Variants in PRRG4 observed in about 807,000 individuals in gnomAD.
PRRG4 encodes transmembrane gamma-carboxyglutamic acid protein 4.
Under a neutral mutation model 20.0 loss-of-function variants are expected in PRRG4, and 12 were observed. That is an observed-to-expected ratio of 0.60 (90% CI 0.38 to 0.97). The LOEUF is 0.97. Among genes scored for constraint, PRRG4 ranks in the 50% least tolerant of loss-of-function variants. The probability of loss-of-function intolerance (pLI) is 0.00; values close to 1 mark genes in which losing one functional copy is unlikely to be tolerated. For missense variants in PRRG4, 199 were observed against 265.1 expected, an observed-to-expected ratio of 0.75 and a Z score of 1.73; for synonymous variants, 94 against 96.4, an observed-to-expected ratio of 0.98 and a Z score of 0.15.
At chr11:32,845,123 AT>A (rs1851116210) in intron 5 of PRRG4, among the ~76,000 whole-genome samples, 2 of 152,212 alleles carry the variant, frequency 1.3e-5, no homozygotes, top group Admixed American at 6.5e-5. Flanking sequence ...AATAAAAAAA[AT>A]CTCCCTTAGC....
At chr11:32,852,714 T>C (rs879558300) in intron 5 of PRRG4, among the ~76,000 whole-genome samples, 2 of 151,476 alleles carry the variant, frequency 1.3e-5, no homozygotes, top group African/African-American at 2.4e-5. Flanking sequence ...GAGGAGAAAA[T>C]TGAGGTCGGT....
intron 3 of PRRG4, 66 bp from the exon 4 acceptor site, chr11:32,838,816 T>C: frequency 8.2e-7 from 1 of 1,224,840 alleles, no homozygotes; most frequent in South Asian, 1.2e-5. Flanking sequence ...GTCTAGGTCA[T>C]TAGGACCAAA....
intron 2 of PRRG4, among the ~76,000 whole-genome samples, chr11:32,831,867 AAAAATTAGCCTGGCTTGGT>A (rs1353858686): frequency 6.6e-6 from 1 of 152,114 alleles, no homozygotes; most frequent in African/African-American, 2.4e-5. Context: ...CTAAATATAC[AAAAATTAGCCTGGCTTGGT>A]GGCACGTGCC....
At chr11:32,834,696 C>T (rs1851003951) in intron 2 of PRRG4, among the ~76,000 whole-genome samples, 1 of 151,184 alleles carries the variant, frequency 6.6e-6, no homozygotes, top group South Asian at 2.1e-4. Context: ...AAAATATAAG[C>T]AATATAAAAC....
Position 32,853,822 on chromosome 11 carries a change from C to A in PRRG4, c.*295C>A. ...CAGCCTGGGCGACAGAGCAAGACTC[C>A]ATCTCAAAAATAAAATAAAAAAAGA... is the stretch of plus-strand genomic sequence containing the variant. On this transcript the variant is annotated 3_prime_UTR_variant, in exon 6 of 6. Transcript: ENST00000257836. 1 of 195,134 alleles carries A rather than the reference C, an allele frequency of 5.1e-6. No individual in the cohort carries two copies. The highest frequency in any genetic ancestry group is 1.0e-5 in the Non-Finnish European group (1 of 96,750). The allele number at this position is 195,134 out of a possible 1,614,324, so 12.1% of individuals were successfully genotyped here.
At chr11:32,830,844 A>C (rs962492366) in intron 2 of PRRG4, among the ~76,000 whole-genome samples, 1 of 152,214 alleles carries the variant, frequency 6.6e-6, no homozygotes, top group Non-Finnish European at 1.5e-5. Context: ...TTTAATAAGT[A>C]TATACGTAAG....
intron 4 of PRRG4, among the ~76,000 whole-genome samples, chr11:32,839,140 G>C (rs1259608561): frequency 1.3e-5 from 2 of 152,164 alleles, no homozygotes; most frequent in Non-Finnish European, 2.9e-5. Context: ...TGAGATACTA[G>C]GAAAATGAGA....
chr11:32,847,921 C>T (rs1469094875), intron 5 of PRRG4, among the ~76,000 whole-genome samples: 1 of 152,110 alleles, frequency 6.6e-6, no homozygotes, highest in East Asian at 1.9e-4. Flanking sequence ...ATATGTAATG[C>T]CTAGGATAGG....
In PRRG4 at chr11:32,853,903, G is replaced by GAGGAGA. The variant is rs1277026128; in HGVS notation, c.*385_*390dup. 19 of 184,146 alleles carry GAGGAGA rather than the reference G, an allele frequency of 1.0e-4. No individual in the cohort carries two copies. The highest frequency in any genetic ancestry group is 9.2e-4 in the Admixed American group (17 of 18,546). The allele number at this position is 184,146 out of a possible 1,614,324, so 11.4% of individuals were successfully genotyped here. On this transcript the variant is annotated 3_prime_UTR_variant, in exon 6 of 6. Coordinates refer to ENST00000257836, the MANE Select transcript of PRRG4 (RefSeq NM_024081.6). Reference sequence around the variant, plus strand: ...GGAGAAGGAGATGAAGGAGGAGGAGGAGGAGAAGGAGAAGAAGAAGAAGAA... The same window carrying GAGGAGA: ...GGAGAAGGAGATGAAGGAGGAGGAGGAGGAGAAGGAGAAGGAGAAGAAGAAGAAGAA...
Position 32,854,973 on chromosome 11 carries a change from A to G in PRRG4, c.*1446A>G, listed in dbSNP as rs1851218064. ...CTGTTACTGATTAGTAAATACTCCC[A>G]TCTTCGTTGCAAAATTATCTCTCTG... On this transcript the variant is annotated 3_prime_UTR_variant, in exon 6 of 6. Coordinates refer to ENST00000257836, the MANE Select transcript of PRRG4 (RefSeq NM_024081.6). 1 of 152,224 alleles carries G rather than the reference A, an allele frequency of 6.6e-6. No individual in the cohort carries two copies. The highest frequency in any genetic ancestry group is 1.5e-5 in the Non-Finnish European group (1 of 68,032). The allele number at this position is 152,224 out of a possible 1,614,324, so 9.4% of individuals were successfully genotyped here.
chr11:32,850,804 T>C (rs947928492), intron 5 of PRRG4, among the ~76,000 whole-genome samples: 9 of 152,208 alleles, frequency 5.9e-5, no homozygotes, highest in African/African-American at 2.2e-4. Flanking sequence ...CAGCGGTGGC[T>C]CACGCCTGTA....
At chr11:32,847,005 AAAT>A (rs1307887285) in intron 5 of PRRG4, among the ~76,000 whole-genome samples, 2 of 151,272 alleles carry the variant, frequency 1.3e-5, no homozygotes, top group Admixed American at 6.6e-5. Context: ...TCAAAAAAAA[AAAT>A]AAAGAAAGAA....
At position 32,844,764 on chromosome 11, in the gene PRRG4, G is replaced by T. The variant is rs528596879; in HGVS notation, c.449+4525G>T. Among the ~76,000 whole-genome samples, 5 of 152,192 alleles carry T rather than the reference G, an allele frequency of 3.3e-5. No homozygotes were observed. In the South Asian group the frequency reaches 1.0e-3, roughly 32 times the overall value. On this transcript the variant is annotated intron_variant, in intron 5 of 5. Transcript: ENST00000257836. Reference sequence around the variant, plus strand: ...AATCCTCGTGCCTTGGCCTCCCAAAGTGCTGGGATTACAGGCATGAGCCAC... The same window carrying T: ...AATCCTCGTGCCTTGGCCTCCCAAATTGCTGGGATTACAGGCATGAGCCAC...
Position 32,853,476 on chromosome 11 carries a change from C to T in PRRG4, c.630C>T (p.His210=). The change falls in exon 6 of 6, where the codon CAC becomes CAT. Residue 210 remains histidine (H), a synonymous_variant. Coordinates refer to ENST00000257836, the MANE Select transcript of PRRG4 (RefSeq NM_024081.6). ...SVSPPPPYPG[H]TKGFRVFKKS... is the part of the protein sequence containing the mutation. ...CACCACCACCACCATATCCTGGGCA[C>T]ACAAAAGGATTTAGGGTATTTAAAA... is the stretch of plus-strand genomic sequence containing the variant. 3 of 1,614,136 alleles carry T rather than the reference C, an allele frequency of 1.9e-6. No homozygotes were observed. The highest frequency in any genetic ancestry group is 2.5e-6 in the Non-Finnish European group (3 of 1,180,014).
At chr11:32,838,535 G>C (rs1851045553) in intron 3 of PRRG4, among the ~76,000 whole-genome samples, 1 of 152,006 alleles carries the variant, frequency 6.6e-6, no homozygotes, top group African/African-American at 2.4e-5. Context: ...TCATGATAGT[G>C]GGTCCACAGC....
In PRRG4 at chr11:32,832,479, C is replaced by CTTT. The variant is rs555430349; in HGVS notation, c.103+1864_103+1866dup. ...GAAATAAAGGACCTTTGGTGAAATT[C>CTTT]TTTTTTTTTTTTTTTTTTTCAGACA... is the stretch of plus-strand genomic sequence containing the variant. On this transcript the variant is annotated intron_variant, in intron 2 of 5. Coordinates refer to ENST00000257836, the MANE Select transcript of PRRG4 (RefSeq NM_024081.6). Among the ~76,000 whole-genome samples, 27 of 121,242 alleles carry CTTT rather than the reference C, an allele frequency of 2.2e-4. 2 individuals are homozygous for CTTT. The highest frequency in any genetic ancestry group is 3.1e-4 in the African/African-American group (10 of 31,972). 79.5% of individuals were successfully genotyped at this position (121,242 alleles called of 152,430 possible).
At chr11:32,842,786 T>G (rs1403022161) in intron 5 of PRRG4, among the ~76,000 whole-genome samples, 1 of 152,158 alleles carries the variant, frequency 6.6e-6, no homozygotes, top group African/African-American at 2.4e-5. Flanking sequence ...GTAAATGAAA[T>G]TAGTAAATAT....
Position 32,852,101 on chromosome 11 carries a change from TA to T in PRRG4, c.450-1194del, listed in dbSNP as rs1169815126. 3.3e-5 allele frequency among the ~76,000 whole-genome samples: 5 copies of T among 152,140 alleles called. No homozygotes were observed. The East Asian group carries it at 7.7e-4, about 23-fold the overall frequency. ...ATGGTGAGACTTGAACTAAGCCATATATTTTTTTTTAAGTGTTAGGCTTAGA... is the reference window on the plus strand; with the variant it reads ...ATGGTGAGACTTGAACTAAGCCATATTTTTTTTTTAAGTGTTAGGCTTAGA... On this transcript the variant is annotated intron_variant, in intron 5 of 5. Transcript: ENST00000257836.
intron 5 of PRRG4, among the ~76,000 whole-genome samples, chr11:32,843,114 A>G (rs965808218): frequency 2.6e-5 from 4 of 152,114 alleles, no homozygotes; most frequent in Admixed American, 2.0e-4. Context: ...AAGTTTTCGG[A>G]TTACAGGCAT....
Sources: gnomAD v4.1 joint callset for allele counts (sites outside exome capture counted in the v4.1 genomes callset) on GRCh38, gnomAD v4.1.1 for gene constraint, MANE v1.5 for transcripts, NCBI Gene and HGNC (gene_info 2026-07-23, HGNC 2026-07-21) for gene names.